ABCC9: variants seen among roughly 807,000 people sequenced by gnomAD.
ABCC9 encodes ATP binding cassette subfamily C member 9.
In ABCC9, 95 loss-of-function variants were observed where a neutral mutation model predicts 188.3. The ratio of observed to expected loss-of-function variants is 0.50; its 90% confidence interval spans 0.43 to 0.60. The LOEUF is 0.60. Ranked by LOEUF, ABCC9 falls within the 20% of genes least tolerant of loss-of-function variation. The pLI, the probability that ABCC9 is intolerant of heterozygous loss-of-function variation, is 0.00. For missense variants in ABCC9, 1,102 were observed against 1,876.3 expected, an observed-to-expected ratio of 0.59 and a Z score of 7.62; for synonymous variants, 659 against 652.7, an observed-to-expected ratio of 1.01 and a Z score of -0.15.
intron 4 of ABCC9, among the ~76,000 whole-genome samples, chr12:21,930,430 A>T (rs1237247079): frequency 3.3e-5 from 5 of 152,224 alleles, no homozygotes; most frequent in Non-Finnish European, 5.9e-5. Context: ...TTTTCAAAAA[A>T]GCAGACCTCT....
At chr12:21,892,096 C>T (rs140747560) in intron 14 of ABCC9, among the ~76,000 whole-genome samples, 222 of 152,284 alleles carry the variant, frequency 1.5e-3, no homozygotes, top group African/African-American at 5.1e-3. Context: ...GAACTGAGCC[C>T]TGAAGAAAGA....
At chr12:21,936,389 A>T in intron 3 of ABCC9, 144 bp downstream of exon 3, 1 of 771,990 alleles carries the variant, frequency 1.3e-6, no homozygotes, top group Non-Finnish European at 2.0e-6. Context: ...TATATGTTTG[A>T]AAAACACAAA....
chr12:21,915,049 C>T (rs563259062), intron 7 of ABCC9, among the ~76,000 whole-genome samples: 6 of 151,556 alleles, frequency 4.0e-5, no homozygotes, highest in African/African-American at 1.2e-4. Flanking sequence ...TACAGGCATG[C>T]GTCACCATGC....
intron 18 of ABCC9, chr12:21,869,501 A>T (rs1433412636): frequency 6.6e-6 from 1 of 152,170 alleles, no homozygotes; most frequent in East Asian, 1.9e-4. Flanking sequence ...CTCTACTTAA[A>T]CTTCTACAAT....
Position 21,882,784 on chromosome 12 carries a change from TG to T in ABCC9, c.2000del (p.Thr667LysfsTer6). ...QSTRRLRPAE[T>X]EDIAIKVTNG... ...AAATAACCTTTATTGCAATGTCCTCTGTTTCTGCGGGACGTAGACGCCGTGT... is the reference window on the plus strand; with the variant it reads ...AAATAACCTTTATTGCAATGTCCTCTTTTCTGCGGGACGTAGACGCCGTGT... On this transcript the variant is annotated frameshift_variant, in exon 16 of 40. Transcript: ENST00000261200. LOFTEE classifies it high-confidence loss of function. The T allele has an allele frequency of 1.2e-6, 2 of 1,612,682 alleles. No individual in the cohort carries two copies. The highest frequency in any genetic ancestry group is 1.7e-6 in the Non-Finnish European group (2 of 1,178,644).
chr12:21,930,573 C>T (rs1456790570), intron 4 of ABCC9, among the ~76,000 whole-genome samples: 1 of 152,012 alleles, frequency 6.6e-6, no homozygotes, highest in African/African-American at 2.4e-5. Context: ...GAATTACAGG[C>T]CAGTGGAGCA....
At chr12:21,885,393 T>C (rs909279196) in intron 15 of ABCC9, among the ~76,000 whole-genome samples, 1 of 152,170 alleles carries the variant, frequency 6.6e-6, no homozygotes, top group Non-Finnish European at 1.5e-5. Flanking sequence ...TTTTTTTCTT[T>C]CCAAAACCTT....
chr12:21,917,775 A>G (rs1948660978), intron 5 of ABCC9, among the ~76,000 whole-genome samples: 1 of 152,236 alleles, frequency 6.6e-6, no homozygotes, highest in African/African-American at 2.4e-5. Context: ...AATATGAGAT[A>G]GAAGCAGAGA....
rs1032719775 is a variant in ABCC9, at chr12:21,799,247, TAAAAAAAAAATTAAAAAA to T, written c.*1779_*1796del. 7.7e-6 allele frequency: 1 copy of T among 129,214 alleles called. No homozygotes were observed. Among genetic ancestry groups the T allele is most frequent in the African/African-American group, 2.8e-5 (1 of 35,170 alleles). 8.0% of individuals were successfully genotyped at this position (129,214 alleles called of 1,614,324 possible). ...ATGTACCCTAAAACTTAAAGTATAT[TAAAAAAAAAATTAAAAAA>T]AAAAAAGAAAAAAAAAAGATTACTT... On this transcript the variant is annotated 3_prime_UTR_variant, in exon 40 of 40. Coordinates refer to ENST00000261200, the MANE Select transcript of ABCC9 (RefSeq NM_020297.4).
At chr12:21,907,361 G>A (rs1244640934) in intron 11 of ABCC9, among the ~76,000 whole-genome samples, 1 of 151,956 alleles carries the variant, frequency 6.6e-6, no homozygotes, top group African/African-American at 2.4e-5. Context: ...GTAGAAACAC[G>A]AACTTGAGAA....
chr12:21,880,809 C>T (rs1164195742), intron 16 of ABCC9, among the ~76,000 whole-genome samples: 1 of 151,978 alleles, frequency 6.6e-6, no homozygotes, highest in East Asian at 1.9e-4. Context: ...AGCAGTTTGC[C>T]ATTATCTAGG....
At chr12:21,806,108 A>C (rs775074383) in intron 38 of ABCC9, 48 bp from the exon 39 acceptor site, 3 of 1,545,262 alleles carry the variant, frequency 1.9e-6, no homozygotes, top group Admixed American at 1.7e-5. Flanking sequence ...CTTTGTCATC[A>C]TAATATTTTG....
intron 17 of ABCC9, among the ~76,000 whole-genome samples, chr12:21,875,218 A>G (rs917528339): frequency 6.6e-6 from 1 of 152,230 alleles, no homozygotes; most frequent in Admixed American, 6.5e-5. Context: ...TGCAATTTTT[A>G]TGGATCAATT....
At chr12:21,936,989 C>A (rs1486824709) in intron 2 of ABCC9, among the ~76,000 whole-genome samples, 2 of 151,762 alleles carry the variant, frequency 1.3e-5, no homozygotes, top group Non-Finnish European at 2.9e-5. Context: ...GACTAAAATG[C>A]TTTCAAAGAA....
At chr12:21,891,894 T>TAG (rs1207937961) in intron 14 of ABCC9, among the ~76,000 whole-genome samples, 2 of 152,070 alleles carry the variant, frequency 1.3e-5, no homozygotes, top group African/African-American at 4.8e-5. Flanking sequence ...CAGAAGAAAA[T>TAG]GCTCTAAGTC....
At chr12:21,829,868 C>CA (rs1425016573) in intron 30 of ABCC9, among the ~76,000 whole-genome samples, 1 of 152,012 alleles carries the variant, frequency 6.6e-6, no homozygotes, top group Non-Finnish European at 1.5e-5. Context: ...TTGCAATTGG[C>CA]AAAAATATAC....
intron 36 of ABCC9, among the ~76,000 whole-genome samples, chr12:21,810,990 G>T (rs1004744260): frequency 6.6e-6 from 1 of 152,080 alleles, no homozygotes; most frequent in African/African-American, 2.4e-5. Context: ...TGATCTGGGG[G>T]ATGATGCTGA....
chr12:21,844,231 TTCAA>T (rs1349123918), intron 28 of ABCC9, among the ~76,000 whole-genome samples: 6 of 152,206 alleles, frequency 3.9e-5, no homozygotes, highest in Non-Finnish European at 7.3e-5. Context: ...ATTTTAAATG[TTCAA>T]TCATTCTTTA....
At chr12:21,825,285 A>G (rs1220456672) in intron 31 of ABCC9, among the ~76,000 whole-genome samples, 1 of 152,218 alleles carries the variant, frequency 6.6e-6, no homozygotes, top group East Asian at 1.9e-4. Context: ...CAGCAATCCC[A>G]TTACTGGGTA....
Sources: gnomAD v4.1 joint callset for allele counts (sites outside exome capture counted in the v4.1 genomes callset) on GRCh38, gnomAD v4.1.1 for gene constraint, MANE v1.5 for transcripts, NCBI Gene and HGNC (gene_info 2026-07-23, HGNC 2026-07-21) for gene names.